The following ACACB variants were observed in gnomAD, a reference collection of about 807,000 sequenced individuals.
ACACB encodes the protein acetyl-CoA carboxylase 2.
In ACACB, 209 loss-of-function variants were observed where a neutral mutation model predicts 278.8. The ratio of observed to expected loss-of-function variants is 0.75; its 90% CI spans 0.67 to 0.84. The LOEUF (loss-of-function observed/expected upper bound fraction) is 0.84. ACACB is among the 40% of genes least tolerant of loss of function. ACACB has a pLI of 0.00. For synonymous variants in ACACB, 1,174 were observed against 1,285.6 expected, an observed-to-expected ratio of 0.91 and a Z score of 1.86; for missense variants, 2,850 against 3,269.0, an observed-to-expected ratio of 0.87 and a Z score of 3.13.
rs201599513 is a variant in ACACB at position 109,139,977 on chromosome 12, G to A, written c.572G>A (p.Gly191Asp). 6.7e-5 allele frequency: 108 copies of A among 1,613,568 alleles called. No homozygotes were observed. Among genetic ancestry groups the A allele is most frequent in the Non-Finnish European group, 8.9e-5 (105 of 1,180,044 alleles). Residue 191 changes from glycine (G) to aspartate (D), a missense_variant, in exon 2 of 53, where the codon GGC (glycine) becomes GAC (aspartate). Physicochemically the swap from Gly to Asp is moderately conservative, Grantham distance 94 (BLOSUM62 -1). Coordinates refer to ENST00000338432, the MANE Select transcript of ACACB (RefSeq NM_001093.4). ...AGSSRESTRK[G>D]SRASLGALSL... is the part of the protein sequence containing the mutation. ...TCATCTCGTGAGTCTACCCGGAAGG[G>A]CAGCCGGGCCAGCTTGGGGGCCCTG... is the stretch of plus-strand genomic sequence containing the variant.
At chr12:109,159,374 C>T (rs530545281) in intron 2 of ACACB, among the ~76,000 whole-genome samples, 13 of 152,010 alleles carry the variant, frequency 8.6e-5, no homozygotes, top group South Asian at 2.1e-4. Context: ...TGATTAATGC[C>T]GGGGCCCTAG....
chr12:109,197,472 T>C (rs2268390), intron 17 of ACACB, among the ~76,000 whole-genome samples: 121,055 of 151,992 alleles, frequency 0.8, 48,349 homozygotes, highest in Middle Eastern at 0.87. Context: ...ATCTGGGCTC[T>C]GGCATCCACC....
chr12:109,147,222 T>TTTTGTTTG (rs199885303), intron 2 of ACACB, among the ~76,000 whole-genome samples: 87 of 151,890 alleles, frequency 5.7e-4, no homozygotes, highest in African/African-American at 2.1e-3. Flanking sequence ...TTATGTCTGT[T>TTTTGTTTG]TTTGTTTGTT....
At chr12:109,210,235 A>ACATATACACACGTGTGTG (rs2045734851) in intron 21 of ACACB, among the ~76,000 whole-genome samples, 1 of 21,076 alleles carries the variant, frequency 4.7e-5, no homozygotes, top group African/African-American at 2.4e-4. Flanking sequence ...GTGTATATGT[A>ACATATACACACGTGTGTG]TATATGTATA....
At position 109,241,156 on chromosome 12, in the gene ACACB, A is replaced by G. The variant is rs1565961854; in HGVS notation, c.4897A>G (p.Lys1633Glu). The change falls in exon 36 of 53, where the codon AAG becomes GAG. Residue 1633 changes from lysine (K) to glutamate (E), a missense_variant. Lys to Glu is a moderately conservative substitution (Grantham distance 56). This residue lies in a region of ACACB where 2,265 missense variants were observed against 2,561.3 expected (regional missense o/e 0.88). Coordinates refer to ENST00000338432, the MANE Select transcript of ACACB (RefSeq NM_001093.4). ...WKLRVLQAEV[K>E]INIRQTTTGS... ...ACTCCGTGTGCTACAGGCTGAGGTC[A>G]AGATCAACATCCGCCAGACCACCAC... The G allele has an allele frequency of 1.2e-6, 2 of 1,614,174 alleles. No homozygotes were observed. Among genetic ancestry groups the G allele is most frequent in the Non-Finnish European group, 1.7e-6 (2 of 1,180,030 alleles).
intron 2 of ACACB, among the ~76,000 whole-genome samples, chr12:109,166,649 CAA>C (rs869303420): frequency 0.025 from 635 of 24,970 alleles, 4 homozygotes; most frequent in African/African-American, 0.11. Context: ...GATCCCGTCT[CAA>C]AAAAAAAAAA....
chr12:109,208,395 A>G (rs2045585098), intron 20 of ACACB, among the ~76,000 whole-genome samples: 1 of 151,630 alleles, frequency 6.6e-6, no homozygotes, highest in Non-Finnish European at 1.5e-5. Context: ...TTTTGTAGAG[A>G]CGGGGTCTCG....
chr12:109,242,372 A>C, intron 36 of ACACB, 65 bp from the exon 37 acceptor site: 2 of 1,549,514 alleles, frequency 1.3e-6, no homozygotes, highest in Non-Finnish European at 1.8e-6. Context: ...AGGACTGGGC[A>C]GAAATAAATT....
intron 19 of ACACB, among the ~76,000 whole-genome samples, chr12:109,202,176 T>A (rs990146813): frequency 6.6e-6 from 1 of 151,960 alleles, no homozygotes; most frequent in Non-Finnish European, 1.5e-5. Context: ...CCACCTTTTC[T>A]TTTTAATAGA....
Position 109,180,044 on chromosome 12 carries a change from C to T in ACACB, c.1775C>T (p.Thr592Ile), listed in dbSNP as rs755638623. Residue 592 changes from threonine to isoleucine, a missense_variant, in exon 11 of 53, where the codon ACA (threonine) becomes ATA (isoleucine). By Grantham distance (89) the Thr-to-Ile change is moderately conservative (BLOSUM62 -1). Transcript: ENST00000338432. ...CGCTTGCAGGTGGAACATCCCTGCACAGAAATGATTGCTGATGTTAATCTG... is the reference window on the plus strand; with the variant it reads ...CGCTTGCAGGTGGAACATCCCTGCATAGAAATGATTGCTGATGTTAATCTG... ...NPRLQVEHPC[T>I]EMIADVNLPA... 6.2e-7 allele frequency: 1 copy of T among 1,613,034 alleles called. No individual in the cohort carries two copies. The highest frequency in any genetic ancestry group is 8.5e-7 in the Non-Finnish European group (1 of 1,179,972).
At chr12:109,151,157 G>C (rs779536343) in intron 2 of ACACB, among the ~76,000 whole-genome samples, 7 of 151,806 alleles carry the variant, frequency 4.6e-5, no homozygotes, top group Non-Finnish European at 5.9e-5. Context: ...GCTAATTTTT[G>C]TATTTTTAAT....
chr12:109,205,431 G>A (rs538559333), intron 19 of ACACB, among the ~76,000 whole-genome samples: 38 of 151,870 alleles, frequency 2.5e-4, no homozygotes, highest in African/African-American at 9.2e-4. Flanking sequence ...ATCAGATTGT[G>A]TAGGGGAAAA....
upstream of ACACB, among the ~76,000 whole-genome samples, chr12:109,112,579 G>A (rs185381940): frequency 4.9e-4 from 74 of 151,230 alleles, no homozygotes; most frequent in Admixed American, 1.7e-3. Flanking sequence ...GCACATGCCT[G>A]TAATCCCAGC....
At chr12:109,120,010 ACT>A (rs1201911436) in intron 1 of ACACB, among the ~76,000 whole-genome samples, 1 of 152,058 alleles carries the variant, frequency 6.6e-6, no homozygotes, top group Non-Finnish European at 1.5e-5. Flanking sequence ...ACTTGAACAC[ACT>A]CTCCTTTCTA....
At chr12:109,170,293 G>A (rs2044068116) in intron 4 of ACACB, among the ~76,000 whole-genome samples, 1 of 152,078 alleles carries the variant, frequency 6.6e-6, no homozygotes, top group South Asian at 2.1e-4. Context: ...TTGAACTCCT[G>A]ACTTCAGGTG....
intron 20 of ACACB, 42 bp downstream of exon 20, chr12:109,206,898 G>C (rs1402226847): frequency 1.2e-6 from 2 of 1,611,392 alleles, no homozygotes; most frequent in South Asian, 1.1e-5. Context: ...CCAGTGCGGA[G>C]GGTCAGAAGA....
At chr12:109,179,809 A>G in intron 10 of ACACB, 108 bp from the exon 11 acceptor site, 1 of 1,311,032 alleles carries the variant, frequency 7.6e-7, no homozygotes. Flanking sequence ...AATATTTCAC[A>G]TGTAGCAGGT....
At chr12:109,179,320 G>T (rs757309187) in intron 10 of ACACB, 23 bp downstream of exon 10, 43 of 1,605,838 alleles carry the variant, frequency 2.7e-5, no homozygotes, top group Non-Finnish European at 3.5e-5. Context: ...GAGCCCAGGG[G>T]GCAGCTTCAG....
At chr12:109,228,036 A>G (rs1376522006) in intron 28 of ACACB, among the ~76,000 whole-genome samples, 1 of 150,282 alleles carries the variant, frequency 6.7e-6, no homozygotes, top group Non-Finnish European at 1.5e-5. Context: ...TCCGTCTCAA[A>G]AAAAAAAAAA....
Sources: allele counts gnomAD v4.1 joint callset (sites outside exome capture counted in the v4.1 genomes callset), GRCh38; gene constraint gnomAD v4.1.1; regional missense constraint gnomAD v4.1.1; transcripts MANE v1.5; gene names NCBI Gene and HGNC (gene_info 2026-07-23, HGNC 2026-07-21).